The following TMEM132B variants were observed in gnomAD, a reference collection of about 807,000 sequenced individuals.
TMEM132B encodes transmembrane protein 132B.
TMEM132B carries 18 observed loss-of-function variants against 90.8 expected under a neutral mutation model. The observed-to-expected ratio is 0.20, with a 90% confidence interval of 0.14 to 0.29. The LOEUF (loss-of-function observed/expected upper bound fraction) is 0.29, where lower values mean the gene tolerates loss of function less well. Among genes scored for constraint, TMEM132B ranks in the 10% least tolerant of loss-of-function variants. The pLI is 1.00. For synonymous variants in TMEM132B, 504 were observed against 523.3 expected (o/e 0.96, Z 0.50); for missense variants, 1,096 against 1,326.8 (o/e 0.83, Z 2.70).
At chr12:125,591,841 T>C (rs1056702499) in intron 5 of TMEM132B, among the ~76,000 whole-genome samples, 1 of 152,194 alleles carries the variant, frequency 6.6e-6, no homozygotes, top group African/African-American at 2.4e-5. Flanking sequence ...GTACCTGTCA[T>C]TGGATTTAGG....
intron 3 of TMEM132B, among the ~76,000 whole-genome samples, chr12:125,506,023 A>G (rs140172950): frequency 6.4e-4 from 98 of 152,380 alleles, no homozygotes; most frequent in African/African-American, 2.2e-3. Flanking sequence ...TATTGCATTA[A>G]GATAAATGAA....
chr12:125,519,466 G>T lies in TMEM132B; in HGVS notation c.1134G>T (p.Leu378Phe). 6.2e-7 allele frequency: 1 copy of T among 1,613,300 alleles called. No individual in the cohort carries two copies. Among genetic ancestry groups the T allele is most frequent in the Non-Finnish European group, 8.5e-7 (1 of 1,179,616 alleles). The part of the protein sequence containing the change: ...SRVNGSFYEI[L>F]QVDFGIDNSS... ...TAAATGGATCCTTCTATGAGATCTT[G>T]CAAGTGGACTTTGGAATTGATAATA... is the stretch of plus-strand genomic sequence containing the variant. The change falls in exon 4 of 9, where the codon TTG (leucine) becomes TTT (phenylalanine). Residue 378 changes from leucine to phenylalanine, a missense_variant. Physicochemically the swap from Leu to Phe is conservative, Grantham distance 22. Coordinates refer to ENST00000682704, the MANE Select transcript of TMEM132B (RefSeq NM_001366854.1).
chr12:125,538,576 C>T (rs558174368), intron 4 of TMEM132B, among the ~76,000 whole-genome samples: 1 of 152,208 alleles, frequency 6.6e-6, no homozygotes, highest in African/African-American at 2.4e-5. Context: ...CATCCGTGGG[C>T]TGAATGCTTA....
intron 1 of TMEM132B, among the ~76,000 whole-genome samples, chr12:125,265,142 T>C (rs543192482): frequency 2.0e-5 from 3 of 152,320 alleles, no homozygotes; most frequent in South Asian, 4.2e-4. Flanking sequence ...AGTAAAAATA[T>C]AGTATTTTAA....
chr12:125,511,258 T>C (rs1882969911), intron 3 of TMEM132B, among the ~76,000 whole-genome samples: 1 of 152,226 alleles, frequency 6.6e-6, no homozygotes, highest in African/African-American at 2.4e-5. Flanking sequence ...AATAATATTC[T>C]ATTGTATAGA....
chr12:125,351,087 A>G (rs1480266993), intron 2 of TMEM132B, among the ~76,000 whole-genome samples: 1 of 152,158 alleles, frequency 6.6e-6, no homozygotes, highest in African/African-American at 2.4e-5. Context: ...GAGATTCAAA[A>G]CATTAAATAG....
At chr12:125,192,634 A>C (rs1356254662) in intron 1 of TMEM132B, among the ~76,000 whole-genome samples, 1 of 152,146 alleles carries the variant, frequency 6.6e-6, no homozygotes, top group Non-Finnish European at 1.5e-5. Context: ...TTGAGCCACC[A>C]TGCCTGGCTG....
At chr12:125,416,213 C>T (rs1880007097) in intron 3 of TMEM132B, among the ~76,000 whole-genome samples, 1 of 152,186 alleles carries the variant, frequency 6.6e-6, no homozygotes, top group Non-Finnish European at 1.5e-5. Flanking sequence ...TGTCACCTCA[C>T]ATCAGGACAT....
chr12:125,566,835 C>CTTCT lies in TMEM132B; in HGVS notation c.1294-17014_1294-17013insCTTT, dbSNP rs1463169929. On this transcript the variant is annotated intron_variant, in intron 4 of 8. Coordinates refer to ENST00000682704, the MANE Select transcript of TMEM132B (RefSeq NM_001366854.1). The stretch of plus-strand genomic sequence containing the variant: ...CCTCCTTCTTCTTCCTCTTCTTCTT[C>CTTCT]TTTTTTTTTTTTTTTTTTTTTTTTT... Among the ~76,000 whole-genome samples the CTTCT allele has an allele frequency of 2.2e-3, 176 of 78,786 alleles. 3 individuals carry two copies. Among genetic ancestry groups the CTTCT allele is most frequent in the African/African-American group, 9.4e-3 (153 of 16,362 alleles). 51.7% of individuals were successfully genotyped at this position (78,786 alleles called of 152,430 possible).
intron 1 of TMEM132B, among the ~76,000 whole-genome samples, chr12:125,226,583 C>T (rs901297678): frequency 6.6e-6 from 1 of 152,170 alleles, no homozygotes; most frequent in Admixed American, 6.5e-5. Flanking sequence ...TCGGGAGAGT[C>T]CATTAAGAAG....
chr12:125,417,415 C>T (rs754682800), intron 3 of TMEM132B, among the ~76,000 whole-genome samples: 1 of 152,078 alleles, frequency 6.6e-6, no homozygotes, highest in Non-Finnish European at 1.5e-5. Context: ...TCTCTGTTGC[C>T]AGGGAATGAG....
At position 125,445,395 on chromosome 12, in the gene TMEM132B, C is replaced by T. The variant is rs908473217; in HGVS notation, c.1106+29718C>T. On this transcript the variant is annotated intron_variant, in intron 3 of 8. Coordinates refer to ENST00000682704, the MANE Select transcript of TMEM132B (RefSeq NM_001366854.1). The surrounding 1 kb of genome is among the most constrained non-coding windows in gnomAD (Gnocchi z 4.3). Reference sequence around the variant, plus strand: ...TCCCAGTTATAAATGTATTACTCCTCAATCTCAAATTCACCCTTCACCACC... The same window carrying T: ...TCCCAGTTATAAATGTATTACTCCTTAATCTCAAATTCACCCTTCACCACC... Among the ~76,000 whole-genome samples, 10 of 152,190 alleles carry T rather than the reference C, an allele frequency of 6.6e-5. No individual in the cohort carries two copies. The highest frequency in any genetic ancestry group is 1.5e-4 in the Non-Finnish European group (10 of 68,040).
intron 4 of TMEM132B, among the ~76,000 whole-genome samples, chr12:125,564,511 T>G (rs1487532958): frequency 6.6e-6 from 1 of 152,220 alleles, no homozygotes; most frequent in African/African-American, 2.4e-5. Context: ...CAGGCTTCTC[T>G]TCTGTCCATA....
chr12:125,521,481 CTG>C (rs1592972057), intron 4 of TMEM132B, among the ~76,000 whole-genome samples: 1 of 152,198 alleles, frequency 6.6e-6, no homozygotes, highest in African/African-American at 2.4e-5. Context: ...AGAAATCCCT[CTG>C]TAGTTAGAAC....
chr12:125,475,059 A>G (rs1881835398), intron 3 of TMEM132B, among the ~76,000 whole-genome samples: 3 of 152,144 alleles, frequency 2.0e-5, no homozygotes, highest in South Asian at 4.1e-4. Flanking sequence ...GCCCTTAAGG[A>G]GAATCAGGTG....
At chr12:125,486,215 G>T (rs1044444777) in intron 3 of TMEM132B, among the ~76,000 whole-genome samples, 1 of 152,228 alleles carries the variant, frequency 6.6e-6, no homozygotes, top group African/African-American at 2.4e-5. Flanking sequence ...TGAGTGAAGA[G>T]GGCATGGGTA....
intron 2 of TMEM132B, among the ~76,000 whole-genome samples, chr12:125,385,641 T>A (rs867041713): frequency 2.4e-4 from 37 of 152,364 alleles, no homozygotes; most frequent in African/African-American, 8.9e-4. Flanking sequence ...TTTATTATTG[T>A]CACTTTCATG....
chr12:125,645,720 T>C (rs948371755), intron 6 of TMEM132B, among the ~76,000 whole-genome samples: 1 of 152,152 alleles, frequency 6.6e-6, no homozygotes, highest in African/African-American at 2.4e-5. Flanking sequence ...GAGACTTAAG[T>C]TGAGCCTGCC....
At chr12:125,271,259 T>A (rs563536698) in intron 1 of TMEM132B, among the ~76,000 whole-genome samples, 1 of 152,324 alleles carries the variant, frequency 6.6e-6, no homozygotes, top group South Asian at 2.1e-4. Context: ...TGGTTTTTAT[T>A]CACAGTGGCC....
Sources: allele counts gnomAD v4.1 joint callset (sites outside exome capture counted in the v4.1 genomes callset), GRCh38; gene constraint gnomAD v4.1.1; non-coding constraint Gnocchi (gnomAD v3.1); transcripts MANE v1.5; gene names NCBI Gene and HGNC (gene_info 2026-07-23, HGNC 2026-07-21).